The following NR2F1-AS1 variants were observed in gnomAD, a reference collection of about 807,000 sequenced individuals.
NR2F1-AS1 encodes the protein NR2F1 antisense RNA 1.
chr5:93,469,439 C>T lies in NR2F1-AS1; in HGVS notation n.639-73897G>A, dbSNP rs181228383. Among the ~76,000 whole-genome samples, 118 of 152,188 alleles carry T rather than the reference C, an allele frequency of 7.8e-4. 1 individual carries two copies. Among genetic ancestry groups the T allele is most frequent in the Middle Eastern group, 3.4e-3 (1 of 294 alleles). On this transcript the variant is annotated intron_variant and non_coding_transcript_variant, in intron 4 of 5. Coordinates refer to ENST00000660523, the Ensembl canonical transcript of NR2F1-AS1. ...TGGTCCATCATTGACTGAAACATCA[C>T]GCAGTGCATTACCTTACCTAACAAA...
chr5:93,425,016 C>T (rs1749165690), intron 4 of NR2F1-AS1, among the ~76,000 whole-genome samples: 2 of 152,204 alleles, frequency 1.3e-5, no homozygotes, highest in African/African-American at 4.8e-5. Context: ...TCCTACATTT[C>T]CTGTACGCTA....
chr5:93,540,121 A>C (rs573901875), intron 4 of NR2F1-AS1, among the ~76,000 whole-genome samples: 2 of 152,344 alleles, frequency 1.3e-5, no homozygotes, highest in South Asian at 4.1e-4. Context: ...TCAATGTTTT[A>C]AAATCATCAC....
chr5:93,431,921 A>G (rs977645068), intron 4 of NR2F1-AS1, among the ~76,000 whole-genome samples: 4 of 151,942 alleles, frequency 2.6e-5, no homozygotes, highest in African/African-American at 9.7e-5. Context: ...ACAGCTTTCA[A>G]AAGTCTTTGT....
At position 93,510,428 on chromosome 5, in the gene NR2F1-AS1, A is replaced by C. The variant is rs372309352; in HGVS notation, n.638+43333T>G. Among the ~76,000 whole-genome samples, 9 of 152,152 alleles carry C rather than the reference A, an allele frequency of 5.9e-5. No homozygotes were observed. The East Asian group carries it at 1.7e-3, about 29-fold the overall frequency. On this transcript the variant is annotated intron_variant and non_coding_transcript_variant, in intron 4 of 5. Coordinates refer to ENST00000660523, the Ensembl canonical transcript of NR2F1-AS1. The stretch of plus-strand genomic sequence containing the variant: ...ATCCATATTCCCTTAGTGGCATCTA[A>C]CTCCTCCTCCTTGCCCATAGAAAAG...
At chr5:93,549,515 A>C (rs1470392939) in intron 4 of NR2F1-AS1, among the ~76,000 whole-genome samples, 17 of 152,122 alleles carry the variant, frequency 1.1e-4, no homozygotes, top group Admixed American at 1.1e-3. Context: ...ACTTTTGATG[A>C]GTCTGCCTTC....
chr5:93,418,588 A>AAAATAAAT (rs56873600), intron 4 of NR2F1-AS1, among the ~76,000 whole-genome samples: 2,749 of 149,484 alleles, frequency 0.018, 78 homozygotes, highest in African/African-American at 0.061. Context: ...CCGTCTCATA[A>AAAATAAAT]AAATAAATAA....
chr5:93,526,302 T>A (rs1751613621), intron 4 of NR2F1-AS1, among the ~76,000 whole-genome samples: 1 of 151,464 alleles, frequency 6.6e-6, no homozygotes, highest in South Asian at 2.1e-4. Flanking sequence ...TATGAAGAAG[T>A]GGAATATTTG....
At chr5:93,471,960 C>A (rs751093856) in intron 4 of NR2F1-AS1, among the ~76,000 whole-genome samples, 28 of 151,792 alleles carry the variant, frequency 1.8e-4, no homozygotes, top group Non-Finnish European at 3.4e-4. Flanking sequence ...GGTATAGAAC[C>A]AATATTCATT....
At position 93,428,977 on chromosome 5, in the gene NR2F1-AS1, T is replaced by C. The variant is rs1401846303; in HGVS notation, n.639-33435A>G. ...AGCCAAGGGTTACTTGAACAAATAATATTATGGCTTTGTAGAATGACTAAT... is the reference window on the plus strand; with the variant it reads ...AGCCAAGGGTTACTTGAACAAATAACATTATGGCTTTGTAGAATGACTAAT... On this transcript the variant is annotated intron_variant and non_coding_transcript_variant, in intron 4 of 5. Coordinates refer to ENST00000660523, the Ensembl canonical transcript of NR2F1-AS1. Among the ~76,000 whole-genome samples the C allele has an allele frequency of 5.9e-5, 9 of 152,184 alleles. 1 individual carries two copies. Among genetic ancestry groups the C allele is most frequent in the Admixed American group, 2.0e-4 (3 of 15,274 alleles).
chr5:93,561,312 C>T (rs930391325), intron 2 of NR2F1-AS1, among the ~76,000 whole-genome samples: 12 of 152,040 alleles, frequency 7.9e-5, no homozygotes, highest in Admixed American at 4.6e-4. Context: ...GAAAATATAT[C>T]AACAACCCAC....
At chr5:93,445,430 T>G (rs1186239553) in intron 4 of NR2F1-AS1, among the ~76,000 whole-genome samples, 1 of 151,908 alleles carries the variant, frequency 6.6e-6, no homozygotes, top group Non-Finnish European at 1.5e-5. Context: ...TCTACGCAAA[T>G]AAACTAGAAA....
At chr5:93,482,754 A>G (rs1215026118) in intron 4 of NR2F1-AS1, among the ~76,000 whole-genome samples, 2 of 152,274 alleles carry the variant, frequency 1.3e-5, no homozygotes, top group Non-Finnish European at 2.9e-5. Context: ...GGGACGCTCT[A>G]GCTTGGTGGA....
chr5:93,456,139 T>C (rs889092670), intron 4 of NR2F1-AS1, among the ~76,000 whole-genome samples: 6 of 152,184 alleles, frequency 3.9e-5, no homozygotes, highest in Admixed American at 2.6e-4. Flanking sequence ...AACTGTCTTT[T>C]TGATAGCTGG....
At chr5:93,460,078 A>C (rs1750055980) in intron 4 of NR2F1-AS1, among the ~76,000 whole-genome samples, 1 of 152,208 alleles carries the variant, frequency 6.6e-6, no homozygotes, top group Non-Finnish European at 1.5e-5. Context: ...CTGGCATGGA[A>C]GACAGATTTT....
chr5:93,488,846 C>T (rs1750779141), intron 4 of NR2F1-AS1, among the ~76,000 whole-genome samples: 2 of 152,164 alleles, frequency 1.3e-5, no homozygotes, highest in African/African-American at 2.4e-5. Flanking sequence ...TTAGAACCAA[C>T]CCAAATGTCC....
chr5:93,556,203 G>A (rs577242229), intron 2 of NR2F1-AS1, among the ~76,000 whole-genome samples: 117 of 152,118 alleles, frequency 7.7e-4, no homozygotes, highest in Non-Finnish European at 3.4e-4. Flanking sequence ...TCTCAAACAC[G>A]CATTACCTGC....
At chr5:93,539,681 C>G in intron 4 of NR2F1-AS1, among the ~76,000 whole-genome samples, 1 of 152,054 alleles carries the variant, frequency 6.6e-6, no homozygotes, top group East Asian at 1.9e-4. Context: ...GGAAAAAATT[C>G]TTGTGTTCTA....
chr5:93,576,057 A>G (rs944868710), intron 1 of NR2F1-AS1, among the ~76,000 whole-genome samples: 1 of 152,212 alleles, frequency 6.6e-6, no homozygotes, highest in Non-Finnish European at 1.5e-5. Context: ...ATTAAGAGCG[A>G]TTAGATGATG....
chr5:93,562,366 A>T (rs1580336139), intron 2 of NR2F1-AS1, among the ~76,000 whole-genome samples: 2 of 152,090 alleles, frequency 1.3e-5, no homozygotes, highest in African/African-American at 4.8e-5. Context: ...ATCTCAGCTC[A>T]CTGCAGCCTT....
Sources: allele counts gnomAD v4.1 joint callset (sites outside exome capture counted in the v4.1 genomes callset), GRCh38; gene constraint gnomAD v4.1.1; transcripts MANE v1.5; gene names NCBI Gene and HGNC (gene_info 2026-07-23, HGNC 2026-07-21).